Variants in MCCC2 observed in about 807,000 individuals in gnomAD.
The protein encoded by MCCC2 is methylcrotonyl-CoA carboxylase subunit 2, also known as methylcrotonoyl-CoA carboxylase beta chain, mitochondrial.
Under a neutral mutation model 77.2 loss-of-function variants are expected in MCCC2, and 52 were observed. The observed-to-expected ratio is 0.67, with a 90% CI of 0.54 to 0.85. The LOEUF is 0.85. Among genes scored for constraint, MCCC2 ranks in the 40% least tolerant of loss-of-function variants. The pLI, the probability that MCCC2 is intolerant of heterozygous loss-of-function variation, is 0.00. For synonymous variants in MCCC2, 253 were observed against 248.4 expected, an observed-to-expected ratio of 1.02 and a Z score of -0.18; for missense variants, 682 against 703.2, an observed-to-expected ratio of 0.97 and a Z score of 0.34.
At chr5:71,624,512 C>T (rs1308469251) in intron 6 of MCCC2, among the ~76,000 whole-genome samples, 3 of 149,962 alleles carry the variant, frequency 2.0e-5, no homozygotes, top group Non-Finnish European at 3.0e-5. Flanking sequence ...CGAGTAGCTG[C>T]GATTACAGGC....
chr5:71,633,125 A>ATTTTTTTTTTTTTTT (rs1398247533), intron 8 of MCCC2, among the ~76,000 whole-genome samples: 2 of 42,900 alleles, frequency 4.7e-5, no homozygotes, highest in African/African-American at 7.4e-5. Context: ...ATATATATAT[A>ATTTTTTTTTTTTTTT]TATATATTTT....
chr5:71,611,760 A>G (rs1207824421), intron 6 of MCCC2, among the ~76,000 whole-genome samples: 1 of 151,880 alleles, frequency 6.6e-6, no homozygotes, highest in Non-Finnish European at 1.5e-5. Flanking sequence ...AGGCGCTTCA[A>G]CTATATCTCA....
chr5:71,621,855 A>G (rs1746360478), intron 6 of MCCC2, among the ~76,000 whole-genome samples: 2 of 152,234 alleles, frequency 1.3e-5, no homozygotes, highest in South Asian at 4.1e-4. Flanking sequence ...ACTGTAGTCA[A>G]TAATAATAAC....
At chr5:71,608,927 C>T (rs1043167300) in intron 6 of MCCC2, among the ~76,000 whole-genome samples, 5 of 152,108 alleles carry the variant, frequency 3.3e-5, no homozygotes, top group East Asian at 3.9e-4. Context: ...AGGTTTCTGC[C>T]GAGAGATCCG....
rs1214452987 is a variant in MCCC2, at chr5:71,617,704, T to A, written c.625-8936T>A. ...TTATGTTATGTATTTATTTCGATAG[T>A]AAGCACCAGCTTCCTTACTCAAATT... On this transcript the variant is annotated intron_variant, in intron 6 of 16. Coordinates refer to ENST00000340941, the MANE Select transcript of MCCC2 (RefSeq NM_022132.5). Among the ~76,000 whole-genome samples the A allele has an allele frequency of 2.6e-5, 4 of 152,360 alleles. No homozygotes were observed. In the South Asian group the frequency reaches 6.2e-4, roughly 24 times the overall value.
intron 13 of MCCC2, 139 bp downstream of exon 13, chr5:71,646,416 C>G (rs1747276691): frequency 2.7e-6 from 2 of 729,676 alleles, no homozygotes; most frequent in South Asian, 3.1e-5. Flanking sequence ...TCTGGAGGCC[C>G]TTTAAGAGTT....
At chr5:71,604,581 T>TA in intron 6 of MCCC2, 113 bp downstream of exon 6, 1 of 765,282 alleles carries the variant, frequency 1.3e-6, no homozygotes, top group Non-Finnish European at 2.1e-6. Flanking sequence ...CAAAATCTAA[T>TA]CTTTTTTTTT....
At position 71,657,166 on chromosome 5, in the gene MCCC2, G is replaced by T; in HGVS notation, c.*306G>T. 2.9e-6 allele frequency: 1 copy of T among 344,616 alleles called. No individual in the cohort carries two copies. Among genetic ancestry groups the T allele is most frequent in the Non-Finnish European group, 5.5e-6 (1 of 180,504 alleles). 21.3% of individuals were successfully genotyped at this position (344,616 alleles called of 1,614,324 possible). On this transcript the variant is annotated 3_prime_UTR_variant, in exon 17 of 17. Coordinates refer to ENST00000340941, the MANE Select transcript of MCCC2 (RefSeq NM_022132.5). ...TTCTGTAATCTGTAAACTCAGTTCT[G>T]TAATCTGTATTATTGAGATGATTAA...
Position 71,633,132 on chromosome 5 carries a change from T to TA in MCCC2, c.803+947_803+948insA, listed in dbSNP as rs1561841495. Among the ~76,000 whole-genome samples, 138 of 89,568 alleles carry TA rather than the reference T, an allele frequency of 1.5e-3. 1 individual carries two copies. The highest frequency in any genetic ancestry group is 7.1e-3 in the Middle Eastern group (1 of 140). 58.8% of individuals were successfully genotyped at this position (89,568 alleles called of 152,430 possible). On this transcript the variant is annotated intron_variant, in intron 8 of 16. Coordinates refer to ENST00000340941, the MANE Select transcript of MCCC2 (RefSeq NM_022132.5). Reference sequence around the variant, plus strand: ...ATATATATATATATATATATATATATTTTTATTTTTTGTAGAAACAGGTGT... The same window carrying TA: ...ATATATATATATATATATATATATATATTTTATTTTTTGTAGAAACAGGTGT...
chr5:71,599,202 C>T (rs1425592319), intron 3 of MCCC2, among the ~76,000 whole-genome samples: 1 of 152,038 alleles, frequency 6.6e-6, no homozygotes, highest in Non-Finnish European at 1.5e-5. Flanking sequence ...AACCCCGTCT[C>T]TACTAAAAAT....
rs1384362929 is a variant in MCCC2 at position 71,626,024 on chromosome 5, T to C, written c.625-616T>C. Among the ~76,000 whole-genome samples, 3 of 152,220 alleles carry C rather than the reference T, an allele frequency of 2.0e-5. No homozygotes were observed. In the East Asian group the frequency reaches 5.8e-4, roughly 29 times the overall value. On this transcript the variant is annotated intron_variant, in intron 6 of 16. Transcript: ENST00000340941. ...CCATCCTAATTTCTGAGCAAGATTT[T>C]TTTAAAGCTTTTTATTATGGAAAAT... is the stretch of plus-strand genomic sequence containing the variant.
chr5:71,625,464 G>T (rs1487215581), intron 6 of MCCC2, among the ~76,000 whole-genome samples: 2 of 152,180 alleles, frequency 1.3e-5, no homozygotes, highest in South Asian at 2.1e-4. Flanking sequence ...GATTTGAAAA[G>T]AATGTACTCA....
intron 8 of MCCC2, among the ~76,000 whole-genome samples, chr5:71,633,131 A>ATATTTTTTTTTTTT (rs1554137344): frequency 9.0e-5 from 7 of 78,072 alleles, no homozygotes; most frequent in East Asian, 4.9e-4. Context: ...ATATATATAT[A>ATATTTTTTTTTTTT]TTTTTATTTT....
At chr5:71,649,951 G>A (rs1747386904) in intron 14 of MCCC2, 118 bp from the exon 15 acceptor site, 1 of 775,884 alleles carries the variant, frequency 1.3e-6, no homozygotes, top group African/African-American at 1.7e-5. Context: ...AAGCTCTACA[G>A]ATGATTGTAA....
chr5:71,587,631 C>T (rs1385839869), intron 1 of MCCC2, 77 bp downstream of exon 1: 11 of 1,499,102 alleles, frequency 7.3e-6, no homozygotes, highest in Non-Finnish European at 9.9e-6. Context: ...GCTTCAACAA[C>T]TGCTGCTCTC....
intron 5 of MCCC2, among the ~76,000 whole-genome samples, chr5:71,603,616 A>T (rs1476364483): frequency 6.6e-6 from 1 of 152,094 alleles, no homozygotes; most frequent in Non-Finnish European, 1.5e-5. Context: ...GAAAACAGCA[A>T]ATGAGGCCCA....
At chr5:71,634,012 T>C (rs1473118493) in intron 8 of MCCC2, among the ~76,000 whole-genome samples, 4 of 152,198 alleles carry the variant, frequency 2.6e-5, no homozygotes, top group African/African-American at 9.6e-5. Context: ...TAGAGTGTCA[T>C]GAAATCACTG....
At chr5:71,639,225 T>C (rs999445683) in intron 10 of MCCC2, among the ~76,000 whole-genome samples, 3 of 152,204 alleles carry the variant, frequency 2.0e-5, no homozygotes, top group Non-Finnish European at 4.4e-5. Context: ...GCTATGAAAG[T>C]CCTAGGTGGC....
intron 15 of MCCC2, among the ~76,000 whole-genome samples, chr5:71,650,850 T>C (rs751242972): frequency 1.3e-5 from 2 of 152,126 alleles, no homozygotes; most frequent in African/African-American, 4.8e-5. Context: ...GGGGTTTCAC[T>C]GTGTTAGCCA....
Sources: gnomAD v4.1 joint callset for allele counts (sites outside exome capture counted in the v4.1 genomes callset) on GRCh38, gnomAD v4.1.1 for gene constraint, MANE v1.5 for transcripts, NCBI Gene and HGNC (gene_info 2026-07-23, HGNC 2026-07-21) for gene names.